Variants in ADGRB3 observed in about 807,000 individuals in gnomAD.
ADGRB3 encodes brain-specific angiogenesis inhibitor 3.
ADGRB3 carries 37 observed loss-of-function variants against 193.4 expected under a neutral mutation model. The observed-to-expected ratio is 0.19, with a 90% CI of 0.15 to 0.25. ADGRB3 has a LOEUF of 0.25. Among genes scored for constraint, ADGRB3 ranks in the 10% least tolerant of loss-of-function variants. The probability of loss-of-function intolerance (pLI) is 1.00; values close to 1 mark genes in which losing one functional copy is unlikely to be tolerated. For synonymous variants in ADGRB3, 690 were observed against 644.2 expected (o/e 1.07, Z -1.08); for missense variants, 1,637 against 1,852.9 (o/e 0.88, Z 2.14).
chr6:68,727,376 A>G (rs1172589216), intron 3 of ADGRB3, among the ~76,000 whole-genome samples: 2 of 151,648 alleles, frequency 1.3e-5, no homozygotes, highest in African/African-American at 4.8e-5. Flanking sequence ...TTCAGGTTAA[A>G]GAAACATATG....
chr6:69,145,126 CTGGGCCCA>C (rs1774449806), intron 17 of ADGRB3, among the ~76,000 whole-genome samples: 1 of 152,182 alleles, frequency 6.6e-6, no homozygotes, highest in Non-Finnish European at 1.5e-5. Flanking sequence ...CTTGCGCCCA[CTGGGCCCA>C]CTCAGCCTGA....
chr6:68,884,885 G>T lies in ADGRB3; in HGVS notation c.758-45674G>T, dbSNP rs1765861838. On this transcript the variant is annotated intron_variant, in intron 3 of 31. Transcript: ENST00000370598. ...GCATCTTGAAAATGTTTTTTAAAAG[G>T]CTTCCTATACCTCCTAGAAGTACTC... Among the ~76,000 whole-genome samples, 3 of 152,202 alleles carry T rather than the reference G, an allele frequency of 2.0e-5. No individual in the cohort carries two copies. In the South Asian group the frequency reaches 6.2e-4, roughly 32 times the overall value.
chr6:68,912,441 A>G (rs1338563427), intron 3 of ADGRB3, among the ~76,000 whole-genome samples: 1 of 151,890 alleles, frequency 6.6e-6, no homozygotes, highest in Admixed American at 6.6e-5. Flanking sequence ...ATATGTATAC[A>G]TGTGCCATGC....
At chr6:68,898,483 G>A (rs963474047) in intron 3 of ADGRB3, among the ~76,000 whole-genome samples, 1 of 152,034 alleles carries the variant, frequency 6.6e-6, no homozygotes, top group Non-Finnish European at 1.5e-5. Flanking sequence ...ATCCAGGCAA[G>A]CTCATAGTAA....
At chr6:69,162,100 G>C (rs966752856) in intron 17 of ADGRB3, among the ~76,000 whole-genome samples, 1 of 152,102 alleles carries the variant, frequency 6.6e-6, no homozygotes, top group African/African-American at 2.4e-5. Flanking sequence ...GGTGATGGTT[G>C]TGGTGCTGGC....
intron 20 of ADGRB3, among the ~76,000 whole-genome samples, chr6:69,309,331 G>A (rs192709742): frequency 6.6e-6 from 1 of 151,738 alleles, no homozygotes; most frequent in East Asian, 2.0e-4. Context: ...GAATTCATGG[G>A]AGAAAAAAGT....
intron 17 of ADGRB3, among the ~76,000 whole-genome samples, chr6:69,117,289 G>C (rs779553921): frequency 2.6e-5 from 4 of 152,112 alleles, no homozygotes; most frequent in Non-Finnish European, 5.9e-5. Flanking sequence ...AGTTCTACAA[G>C]TTTTGTTAGG....
intron 13 of ADGRB3, among the ~76,000 whole-genome samples, chr6:69,045,034 C>CAT (rs1203000333): frequency 6.6e-6 from 1 of 152,170 alleles, no homozygotes; most frequent in Non-Finnish European, 1.5e-5. Flanking sequence ...TATTTACTTA[C>CAT]ATGTAGTTTA....
intron 3 of ADGRB3, among the ~76,000 whole-genome samples, chr6:68,643,173 C>T (rs966098023): frequency 6.6e-6 from 1 of 152,128 alleles, no homozygotes; most frequent in Middle Eastern, 3.2e-3. Context: ...GAAATCTGAA[C>T]ACACACACTC....
chr6:68,877,340 A>C (rs1380582963), intron 3 of ADGRB3, among the ~76,000 whole-genome samples: 1 of 151,928 alleles, frequency 6.6e-6, no homozygotes, highest in Non-Finnish European at 1.5e-5. Context: ...ATTTAGAAAA[A>C]CAAGATGAAT....
At chr6:69,251,609 G>GTATC (rs1030587399) in intron 20 of ADGRB3, among the ~76,000 whole-genome samples, 27 of 152,220 alleles carry the variant, frequency 1.8e-4, no homozygotes, top group Middle Eastern at 6.8e-3. Context: ...ACCTAGGACA[G>GTATC]TATCTGGCAC....
chr6:68,844,057 C>T (rs1768223044), intron 3 of ADGRB3, among the ~76,000 whole-genome samples: 1 of 152,170 alleles, frequency 6.6e-6, no homozygotes, highest in Non-Finnish European at 1.5e-5. Flanking sequence ...AGACCTCAAA[C>T]TATGAAACTA....
At chr6:69,013,397 C>G (rs1769994806) in intron 11 of ADGRB3, among the ~76,000 whole-genome samples, 1 of 152,104 alleles carries the variant, frequency 6.6e-6, no homozygotes, top group Non-Finnish European at 1.5e-5. Context: ...TGTTATATGT[C>G]TATTCATTCT....
intron 3 of ADGRB3, among the ~76,000 whole-genome samples, chr6:68,848,412 A>G (rs776703432): frequency 6.6e-6 from 1 of 152,102 alleles, no homozygotes; most frequent in Non-Finnish European, 1.5e-5. Context: ...CTAAGAAGCT[A>G]GGTAAAACTC....
chr6:68,681,177 G>T (rs567854526), intron 3 of ADGRB3, among the ~76,000 whole-genome samples: 63 of 152,232 alleles, frequency 4.1e-4, no homozygotes, highest in African/African-American at 1.5e-3. Flanking sequence ...TCATTATGGT[G>T]GAGAGGACAC....
At chr6:68,919,896 T>G (rs187649454) in intron 3 of ADGRB3, among the ~76,000 whole-genome samples, 5 of 152,302 alleles carry the variant, frequency 3.3e-5, no homozygotes, top group Admixed American at 3.3e-4. Context: ...AAGAAAGTAT[T>G]GTTCAGAGAA....
chr6:68,994,163 A>G (rs745806533), intron 11 of ADGRB3, among the ~76,000 whole-genome samples: 4 of 152,100 alleles, frequency 2.6e-5, no homozygotes, highest in Non-Finnish European at 4.4e-5. Flanking sequence ...AAATGCATAT[A>G]TTACACCTCA....
intron 3 of ADGRB3, among the ~76,000 whole-genome samples, chr6:68,812,185 A>T (rs1160792190): frequency 6.6e-6 from 1 of 152,178 alleles, no homozygotes; most frequent in East Asian, 1.9e-4. Context: ...CTAATATAAG[A>T]AGTGTATATG....
intron 3 of ADGRB3, among the ~76,000 whole-genome samples, chr6:68,794,541 C>T (rs1767170022): frequency 6.6e-6 from 1 of 152,034 alleles, no homozygotes. Flanking sequence ...TATATGCCTA[C>T]CTAGTTAATA....
Sources: allele counts gnomAD v4.1 joint callset (sites outside exome capture counted in the v4.1 genomes callset), GRCh38; gene constraint gnomAD v4.1.1; transcripts MANE v1.5; gene names NCBI Gene and HGNC (gene_info 2026-07-23, HGNC 2026-07-21).